The following CSNK1G1 variants were observed in gnomAD, a reference collection of about 807,000 sequenced individuals.
The protein encoded by CSNK1G1 is casein kinase 1 gamma 1, also known as casein kinase I isoform gamma-1.
In CSNK1G1, 22 loss-of-function variants were observed where a neutral mutation model predicts 59.6. That is an observed-to-expected ratio of 0.37 (90% CI 0.26 to 0.53). The LOEUF is 0.53. CSNK1G1 is among the 20% of genes least tolerant of loss of function. CSNK1G1 has a pLI of 0.89. For missense variants in CSNK1G1, 384 were observed against 519.5 expected (o/e 0.74, Z 2.54); for synonymous variants, 179 against 177.1 (o/e 1.01, Z -0.08).
rs1052386068 is a variant in CSNK1G1 at position 64,165,955 on chromosome 15, A to G, written c.*5976T>C. 1.1e-5 allele frequency: 7 copies of G among 630,382 alleles called. No individual in the cohort carries two copies. The highest frequency in any genetic ancestry group is 2.9e-5 in the East Asian group (1 of 34,844). 39.0% of individuals were successfully genotyped at this position (630,382 alleles called of 1,614,324 possible). A position where few individuals can be genotyped will look rare whatever the true frequency, so the allele number is the denominator to read the frequency against. ...AGAAGATTTTCCTAATGGTGCACAA[A>G]TATCTCTCCTGGAGGAACCATTTCA... On this transcript the variant is annotated 3_prime_UTR_variant, in exon 12 of 12. Coordinates refer to ENST00000303052, the MANE Select transcript of CSNK1G1 (RefSeq NM_022048.5).
At chr15:64,352,887 G>A (rs150369920) in intron 1 of CSNK1G1, among the ~76,000 whole-genome samples, 1 of 151,390 alleles carries the variant, frequency 6.6e-6, no homozygotes, top group Non-Finnish European at 1.5e-5. Context: ...TCAGGAGTTC[G>A]AGACCTGCCT....
At chr15:64,252,512 T>C (rs1200037727) in intron 3 of CSNK1G1, among the ~76,000 whole-genome samples, 3 of 142,816 alleles carry the variant, frequency 2.1e-5, no homozygotes, top group African/African-American at 8.8e-5. Context: ...GCACCTGGCT[T>C]ATATTATTTT....
rs958624046 is a variant in CSNK1G1, at chr15:64,216,428, C to T, written c.444+134G>A. On this transcript the variant is annotated intron_variant, in intron 5 of 11. Coordinates refer to ENST00000303052, the MANE Select transcript of CSNK1G1 (RefSeq NM_022048.5). This position sits in a 1 kb window ranked among gnomAD's most constrained non-coding sequence, Gnocchi z 4.6. ...AATTTACCCTTTTTGCCCCAGCCAGCTTCCCAGAATGCCATCAAGCCTGTG... is the reference window on the plus strand; with the variant it reads ...AATTTACCCTTTTTGCCCCAGCCAGTTTCCCAGAATGCCATCAAGCCTGTG... 3.5e-6 allele frequency: 3 copies of T among 853,706 alleles called. No individual in the cohort carries two copies. The highest frequency in any genetic ancestry group is 3.5e-5 in the African/African-American group (2 of 57,528). The allele number at this position is 853,706 out of a possible 1,614,324, so 52.9% of individuals were successfully genotyped here. A position where few individuals can be genotyped will look rare whatever the true frequency, so the allele number is the denominator to read the frequency against.
In CSNK1G1 at chr15:64,188,235, T is replaced by G; in HGVS notation, c.1108-7781A>C. On this transcript the variant is annotated intron_variant, in intron 10 of 11. Coordinates refer to ENST00000303052, the MANE Select transcript of CSNK1G1 (RefSeq NM_022048.5). This position sits in a 1 kb window ranked among gnomAD's most constrained non-coding sequence, Gnocchi z 4.2. ...CAAGCGACTCTTACCCAAGTCCACC[T>G]AGACAGAAAATCTACAGAGATATTC... The G allele has an allele frequency of 1.7e-6, 1 of 605,312 alleles. No individual in the cohort carries two copies. The highest frequency in any genetic ancestry group is 2.8e-5 in the East Asian group (1 of 35,378). 37.5% of individuals were successfully genotyped at this position (605,312 alleles called of 1,614,324 possible). A position where few individuals can be genotyped will look rare whatever the true frequency, so the allele number is the denominator to read the frequency against.
chr15:64,216,846 T>C lies in CSNK1G1; in HGVS notation c.293-133A>G. 1.2e-6 allele frequency: 1 copy of C among 817,752 alleles called. No individual in the cohort carries two copies. 50.7% of individuals were successfully genotyped at this position (817,752 alleles called of 1,614,324 possible). On this transcript the variant is annotated intron_variant, in intron 4 of 11. Transcript: ENST00000303052. This position sits in a 1 kb window ranked among gnomAD's most constrained non-coding sequence, Gnocchi z 4.6. ...GATTTCCATTTTCTTTCATAGTCCC[T>C]ACTGGAAACTCAAACTGAGCACAAC...
chr15:64,298,197 T>C (rs1209397354), intron 2 of CSNK1G1, among the ~76,000 whole-genome samples: 2 of 152,204 alleles, frequency 1.3e-5, no homozygotes, highest in Non-Finnish European at 2.9e-5. Context: ...AAACTTATAA[T>C]ACAAATCTAG....
chr15:64,204,668 A>C, intron 8 of CSNK1G1, 79 bp from the exon 9 acceptor site: 1 of 1,451,114 alleles, frequency 6.9e-7, no homozygotes, highest in Non-Finnish European at 9.5e-7. Flanking sequence ...TTGGGCCACA[A>C]AGGGGTTATT....
Position 64,188,379 on chromosome 15 carries a change from A to C in CSNK1G1, c.1108-7925T>G. ...GGCAATAAAGGCAGTAAATACCTGC[A>C]CTGATCCCCCATGGCGGTCTGCAGC... On this transcript the variant is annotated intron_variant, in intron 10 of 11. Transcript: ENST00000303052. This position sits in a 1 kb window ranked among gnomAD's most constrained non-coding sequence, Gnocchi z 4.2. The C allele has an allele frequency of 6.5e-7, 1 of 1,535,668 alleles. No homozygotes were observed. Among genetic ancestry groups the C allele is most frequent in the Non-Finnish European group, 8.7e-7 (1 of 1,146,526 alleles).
At chr15:64,245,859 A>G (rs2140311158) in intron 4 of CSNK1G1, among the ~76,000 whole-genome samples, 1 of 152,316 alleles carries the variant, frequency 6.6e-6, no homozygotes, top group South Asian at 2.1e-4. Context: ...AGGCAGGGAA[A>G]GACAAATATC....
chr15:64,238,882 G>T (rs1566914571), intron 4 of CSNK1G1, among the ~76,000 whole-genome samples: 1 of 152,024 alleles, frequency 6.6e-6, no homozygotes, highest in Non-Finnish European at 1.5e-5. Context: ...CTGCTTGTAG[G>T]CTATGTCAGA....
Position 64,188,321 on chromosome 15 carries a change from A to G in CSNK1G1, c.1108-7867T>C, listed in dbSNP as rs912779612. 7.3e-5 allele frequency: 100 copies of G among 1,374,512 alleles called. No homozygotes were observed. The highest frequency in any genetic ancestry group is 9.2e-5 in the Non-Finnish European group (93 of 1,007,176). 85.1% of individuals were successfully genotyped at this position (1,374,512 alleles called of 1,614,324 possible). A position where few individuals can be genotyped will look rare whatever the true frequency, so the allele number is the denominator to read the frequency against. On this transcript the variant is annotated intron_variant, in intron 10 of 11. Coordinates refer to ENST00000303052, the MANE Select transcript of CSNK1G1 (RefSeq NM_022048.5). This position sits in a 1 kb window ranked among gnomAD's most constrained non-coding sequence, Gnocchi z 4.2. ...GCCGAAGGTTCAGAAGCAAGCCAAC[A>G]TTCCACCAGCCAAGCTGGAAAGGCC...
At chr15:64,323,408 CAG>C (rs1442083420) in intron 1 of CSNK1G1, among the ~76,000 whole-genome samples, 1 of 151,760 alleles carries the variant, frequency 6.6e-6, no homozygotes. Flanking sequence ...TTTTGTTGCC[CAG>C]ACTGGAGTGC....
intron 9 of CSNK1G1, among the ~76,000 whole-genome samples, chr15:64,204,048 CA>C (rs2082144816): frequency 6.6e-6 from 1 of 151,832 alleles, no homozygotes; most frequent in African/African-American, 2.4e-5. Flanking sequence ...GAGGCTGAGG[CA>C]GGAGAATCGC....
At chr15:64,305,709 C>CA (rs202161090) in intron 1 of CSNK1G1, among the ~76,000 whole-genome samples, 1 of 104,362 alleles carries the variant, frequency 9.6e-6, no homozygotes, top group African/African-American at 3.8e-5. Flanking sequence ...AAAAAAAAAA[C>CA]AAAAACAAAA....
At chr15:64,277,720 T>C (rs1179101290) in intron 2 of CSNK1G1, among the ~76,000 whole-genome samples, 3 of 130,502 alleles carry the variant, frequency 2.3e-5, no homozygotes, top group Non-Finnish European at 4.6e-5. Context: ...AATATTGATA[T>C]ATTTAATAAT....
chr15:64,182,199 G>T (rs1156270791), intron 10 of CSNK1G1, among the ~76,000 whole-genome samples: 3 of 151,590 alleles, frequency 2.0e-5, no homozygotes, highest in African/African-American at 7.3e-5. Context: ...GAGTAGCTGA[G>T]ATTACAGGTA....
At position 64,207,448 on chromosome 15, in the gene CSNK1G1, G is replaced by T. The variant is rs920367956; in HGVS notation, c.765+61C>A. 6.4e-6 allele frequency: 8 copies of T among 1,242,784 alleles called. No individual in the cohort carries two copies. The African/African-American group carries it at 8.9e-5, about 14-fold the overall frequency. 77.0% of individuals were successfully genotyped at this position (1,242,784 alleles called of 1,614,324 possible). ...ATTTCTTAAAAACATGAAGCCAGAG[G>T]CTCCTTCATTAACAACTGAGCATTG... is the stretch of plus-strand genomic sequence containing the variant. On this transcript the variant is annotated intron_variant, in intron 7 of 11. Transcript: ENST00000303052.
chr15:64,283,189 C>T (rs922365801), intron 2 of CSNK1G1, among the ~76,000 whole-genome samples: 7 of 151,780 alleles, frequency 4.6e-5, no homozygotes, highest in Admixed American at 1.3e-4. Flanking sequence ...CTAAAGTGAC[C>T]ATTAAAAAAA....
chr15:64,274,885 GT>G (rs1286077083), intron 2 of CSNK1G1, among the ~76,000 whole-genome samples: 12 of 152,182 alleles, frequency 7.9e-5, no homozygotes, highest in African/African-American at 2.9e-4. Flanking sequence ...AATAGTACAT[GT>G]ATAAATTACT....
Sources: allele counts gnomAD v4.1 joint callset (sites outside exome capture counted in the v4.1 genomes callset), GRCh38; gene constraint gnomAD v4.1.1; non-coding constraint Gnocchi (gnomAD v3.1); transcripts MANE v1.5; gene names NCBI Gene and HGNC (gene_info 2026-07-23, HGNC 2026-07-21).